FLACC1: variants seen among roughly 807,000 people sequenced by gnomAD.
The protein encoded by FLACC1 is flagellum-associated coiled-coil domain-containing protein 1.
Under a neutral mutation model 62.8 loss-of-function variants are expected in FLACC1, and 66 were observed. The ratio of observed to expected loss-of-function variants is 1.05; its 90% confidence interval spans 0.86 to 1.29. FLACC1 has a LOEUF of 1.29. FLACC1 is among the 50% of genes most tolerant of loss of function. The pLI is 0.00. For synonymous variants in FLACC1, 156 were observed against 161.0 expected (o/e 0.97, Z 0.24); for missense variants, 452 against 489.1 (o/e 0.92, Z 0.71).
At chr2:201,295,988 C>T (rs1219102707) in intron 12 of FLACC1, among the ~76,000 whole-genome samples, 8 of 151,972 alleles carry the variant, frequency 5.3e-5, no homozygotes, top group Non-Finnish European at 8.8e-5. Context: ...GTTAGAATGG[C>T]GATCATTAAA....
At chr2:201,301,050 G>C (rs1436252149) in intron 11 of FLACC1, among the ~76,000 whole-genome samples, 1 of 152,200 alleles carries the variant, frequency 6.6e-6, no homozygotes, top group Non-Finnish European at 1.5e-5. Context: ...CTCCTCACCA[G>C]CAATGGAACA....
rs190103537 is a variant in FLACC1, at chr2:201,322,561, T to G, written c.675+7909A>C. Reference sequence around the variant, plus strand: ...ACATCCTTAAGTGGAAAAAAGAAATTAAAAAACAAACACAAAAAGAAACAC... The same window carrying G: ...ACATCCTTAAGTGGAAAAAAGAAATGAAAAAACAAACACAAAAAGAAACAC... On this transcript the variant is annotated intron_variant, in intron 9 of 14. Coordinates refer to ENST00000392257, the MANE Select transcript of FLACC1 (RefSeq NM_001127391.3). Among the ~76,000 whole-genome samples the G allele has an allele frequency of 3.6e-3, 544 of 151,786 alleles. 10 individuals carry two copies. Among genetic ancestry groups the G allele is most frequent in the Non-Finnish European group, 7.4e-4 (50 of 67,900 alleles).
intron 9 of FLACC1, among the ~76,000 whole-genome samples, chr2:201,323,437 T>C (rs909943078): frequency 6.6e-6 from 1 of 152,194 alleles, no homozygotes; most frequent in Admixed American, 6.5e-5. Context: ...GGGTCTTATC[T>C]TCAATCTCCT....
intron 9 of FLACC1, among the ~76,000 whole-genome samples, chr2:201,314,534 T>C (rs1008424835): frequency 2.6e-5 from 4 of 152,156 alleles, no homozygotes; most frequent in Non-Finnish European, 4.4e-5. Context: ...CCAAGGAGTC[T>C]GGGATGTTAA....
intron 14 of FLACC1, among the ~76,000 whole-genome samples, chr2:201,289,169 C>A (rs906954464): frequency 1.3e-5 from 2 of 152,152 alleles, no homozygotes; most frequent in African/African-American, 4.8e-5. Context: ...CACCCTCAGT[C>A]ATAGAACTGA....
the FLACC1 span, among the ~76,000 whole-genome samples, chr2:201,363,241 T>C: frequency 6.6e-6 from 1 of 151,992 alleles, no homozygotes; most frequent in African/African-American, 2.4e-5. Flanking sequence ...CCCCCTTCCT[T>C]GGATCAGCAG....
At chr2:201,308,386 C>T (rs1950149011) in intron 10 of FLACC1, among the ~76,000 whole-genome samples, 1 of 152,150 alleles carries the variant, frequency 6.6e-6, no homozygotes, top group South Asian at 2.1e-4. Flanking sequence ...TTCATATTAC[C>T]TTCTGGCAGT....
chr2:201,299,360 G>T, intron 11 of FLACC1, 60 bp from the exon 12 acceptor site: 1 of 1,390,020 alleles, frequency 7.2e-7, no homozygotes, highest in Non-Finnish European at 1.0e-6. Flanking sequence ...CTTCTAGGGA[G>T]TTAAGAAAGC....
intron 9 of FLACC1, among the ~76,000 whole-genome samples, chr2:201,312,619 C>T (rs1353513689): frequency 6.6e-6 from 1 of 152,122 alleles, no homozygotes; most frequent in East Asian, 1.9e-4. Flanking sequence ...CCAAAGCAAT[C>T]CTAAGCAAAA....
At chr2:201,290,209 T>C (rs1042723613) in intron 12 of FLACC1, among the ~76,000 whole-genome samples, 2 of 152,164 alleles carry the variant, frequency 1.3e-5, no homozygotes, top group Admixed American at 1.3e-4. Flanking sequence ...TAATGGTGGA[T>C]ACATGACATG....
chr2:201,332,807 G>A (rs1293664084), intron 7 of FLACC1, among the ~76,000 whole-genome samples: 1 of 151,808 alleles, frequency 6.6e-6, no homozygotes, highest in Non-Finnish European at 1.5e-5. Flanking sequence ...AGAATATGTG[G>A]TATTTGTCTT....
chr2:201,311,530 A>T (rs1005521730), intron 9 of FLACC1, among the ~76,000 whole-genome samples: 1 of 151,888 alleles, frequency 6.6e-6, no homozygotes, highest in African/African-American at 2.4e-5. Flanking sequence ...AAGCAACATG[A>T]TATGAGACCC....
In FLACC1 at chr2:201,289,003, C is replaced by T. The variant is rs1490829086; in HGVS notation, c.1143-222G>A. ...AATCAATGCAATAAATAACTTTCTT[C>T]TATTAAAGTATTGACCAAAATTTAT... On this transcript the variant is annotated intron_variant, in intron 14 of 14. Transcript: ENST00000392257. 4.6e-5 allele frequency among the ~76,000 whole-genome samples: 7 copies of T among 152,162 alleles called. 1 individual carries two copies. Among genetic ancestry groups the T allele is most frequent in the Admixed American group, 4.6e-4 (7 of 15,274 alleles).
chr2:201,347,160 G>A (rs1043706737), intron 4 of FLACC1, among the ~76,000 whole-genome samples: 1 of 152,218 alleles, frequency 6.6e-6, no homozygotes, highest in African/African-American at 2.4e-5. Context: ...GACTAGGACG[G>A]TTGCAAACAA....
chr2:201,293,969 C>G (rs1161748689), intron 12 of FLACC1, among the ~76,000 whole-genome samples: 1 of 151,964 alleles, frequency 6.6e-6, no homozygotes, highest in African/African-American at 2.4e-5. Flanking sequence ...AAGACTAAAC[C>G]AGGAAGAAGT....
intron 11 of FLACC1, among the ~76,000 whole-genome samples, chr2:201,301,089 T>G (rs1949972229): frequency 6.6e-6 from 1 of 152,192 alleles, no homozygotes; most frequent in African/African-American, 2.4e-5. Flanking sequence ...ATTGACGAGT[T>G]GAGAGAAGAA....
At chr2:201,313,197 TA>T (rs1489225904) in intron 9 of FLACC1, among the ~76,000 whole-genome samples, 1 of 152,158 alleles carries the variant, frequency 6.6e-6, no homozygotes, top group African/African-American at 2.4e-5. Context: ...TCCAACTGAA[TA>T]GGAAATCTCC....
intron 1 of FLACC1, among the ~76,000 whole-genome samples, chr2:201,354,742 C>A (rs1409544922): frequency 6.6e-6 from 1 of 152,168 alleles, no homozygotes; most frequent in African/African-American, 2.4e-5. Flanking sequence ...AGGAGCCAAC[C>A]CTGAACTTGG....
chr2:201,292,134 G>T (rs145586960), intron 12 of FLACC1, among the ~76,000 whole-genome samples: 372 of 152,276 alleles, frequency 2.4e-3, no homozygotes, highest in Non-Finnish European at 4.1e-3. Context: ...TTCCCCAACC[G>T]AGCAAGGCAG....
Sources: allele counts gnomAD v4.1 joint callset (sites outside exome capture counted in the v4.1 genomes callset), GRCh38; gene constraint gnomAD v4.1.1; transcripts MANE v1.5; gene names NCBI Gene and HGNC (gene_info 2026-07-23, HGNC 2026-07-21).